Variants in PTPRT observed in about 807,000 individuals in gnomAD.
PTPRT encodes the protein protein tyrosine phosphatase receptor type T.
In PTPRT, 56 loss-of-function variants were observed where a neutral mutation model predicts 176.8. The ratio of observed to expected loss-of-function variants is 0.32; its 90% CI spans 0.26 to 0.40. PTPRT has a LOEUF of 0.40. Among genes scored for constraint, PTPRT ranks in the 10% least tolerant of loss-of-function variants. PTPRT has a pLI of 1.00. For missense variants in PTPRT, 1,540 were observed against 1,908.2 expected, an observed-to-expected ratio of 0.81 and a Z score of 3.60; for synonymous variants, 783 against 739.0, an observed-to-expected ratio of 1.06 and a Z score of -0.96.
intron 2 of PTPRT, among the ~76,000 whole-genome samples, chr20:42,872,599 GT>G (rs1239962828): frequency 6.6e-6 from 1 of 152,126 alleles, no homozygotes; most frequent in African/African-American, 2.4e-5. Context: ...CCAATGTTTT[GT>G]TTTATAAATG....
At chr20:42,184,561 A>ATCTTC (rs1990668336) in intron 16 of PTPRT, among the ~76,000 whole-genome samples, 2 of 128,126 alleles carry the variant, frequency 1.6e-5, no homozygotes, top group African/African-American at 6.1e-5. Context: ...TCTTCTTCTT[A>ATCTTC]TTCTTCTTCT....
At chr20:42,660,893 C>T (rs2075211536) in intron 7 of PTPRT, among the ~76,000 whole-genome samples, 3 of 152,238 alleles carry the variant, frequency 2.0e-5, no homozygotes, top group South Asian at 2.1e-4. Context: ...ACTTTGTCGT[C>T]CAGGCTGGAG....
At position 42,803,920 on chromosome 20, in the gene PTPRT, G is replaced by A. The variant is rs138729424; in HGVS notation, c.215-12454C>T. Reference sequence around the variant, plus strand: ...AAACTGCCTTCCCACATGCACTTCTGGAAAGGACTCCAATCCCTACCCCAG... The same window carrying A: ...AAACTGCCTTCCCACATGCACTTCTAGAAAGGACTCCAATCCCTACCCCAG... On this transcript the variant is annotated intron_variant, in intron 2 of 30. Coordinates refer to ENST00000373187, the MANE Select transcript of PTPRT (RefSeq NM_007050.6). 2.2e-4 allele frequency among the ~76,000 whole-genome samples: 34 copies of A among 152,266 alleles called. 1 individual carries two copies. The East Asian group carries it at 6.4e-3, about 29-fold the overall frequency.
chr20:42,564,385 C>T (rs778532764), intron 7 of PTPRT, among the ~76,000 whole-genome samples: 1 of 152,220 alleles, frequency 6.6e-6, no homozygotes, highest in Non-Finnish European at 1.5e-5. Context: ...TCTGCATCTG[C>T]AGATTCAACC....
chr20:42,085,946 CTTTTT>C, intron 27 of PTPRT, 93 bp from the exon 28 acceptor site: 1 of 1,373,498 alleles, frequency 7.3e-7, no homozygotes, highest in South Asian at 1.4e-5. Flanking sequence ...TTCTTTTTTT[CTTTTT>C]CTTTTTTTTT....
chr20:42,146,381 C>T (rs894220608), intron 17 of PTPRT, among the ~76,000 whole-genome samples: 6 of 152,200 alleles, frequency 3.9e-5, no homozygotes, highest in African/African-American at 9.7e-5. Context: ...TGTTTTCATA[C>T]TAATTTTTTG....
At chr20:42,980,756 C>T (rs892867030) in intron 1 of PTPRT, among the ~76,000 whole-genome samples, 4 of 152,192 alleles carry the variant, frequency 2.6e-5, no homozygotes, top group African/African-American at 9.7e-5. Flanking sequence ...AAGCTCCTCA[C>T]CTCCCTTTTG....
intron 5 of PTPRT, among the ~76,000 whole-genome samples, chr20:42,769,245 T>A (rs981091911): frequency 2.6e-5 from 4 of 152,166 alleles, no homozygotes; most frequent in African/African-American, 9.7e-5. Flanking sequence ...GGTCCCTAGA[T>A]GGGCTCTTTA....
chr20:43,147,993 A>C (rs1275278123), intron 1 of PTPRT, among the ~76,000 whole-genome samples: 1 of 152,138 alleles, frequency 6.6e-6, no homozygotes, highest in Non-Finnish European at 1.5e-5. Flanking sequence ...TGAGACTTTA[A>C]ATCTACCCAA....
chr20:42,572,229 T>C (rs1251802821), intron 7 of PTPRT, among the ~76,000 whole-genome samples: 1 of 152,144 alleles, frequency 6.6e-6, no homozygotes, highest in East Asian at 1.9e-4. Flanking sequence ...TTCCTAAAGG[T>C]CCCACCTCTT....
rs1989768906 is a variant in PTPRT at position 42,165,055 on chromosome 20, CAGA to C, written c.2492-3516_2492-3514del. 2.0e-5 allele frequency among the ~76,000 whole-genome samples: 3 copies of C among 152,234 alleles called. 1 individual carries two copies. In the South Asian group the frequency reaches 6.2e-4, roughly 32 times the overall value. ...GCCCGCGAGGAGCTTGTGGGATGGG[CAGA>C]AGGATTTTGGTGCTGTGTATGAGAT... On this transcript the variant is annotated intron_variant, in intron 16 of 30. Transcript: ENST00000373187.
At chr20:42,624,033 A>C (rs1018586906) in intron 7 of PTPRT, among the ~76,000 whole-genome samples, 13 of 150,832 alleles carry the variant, frequency 8.6e-5, no homozygotes, top group African/African-American at 3.0e-4. Flanking sequence ...ACAAAAAAAA[A>C]AAACCCTGCT....
chr20:42,448,886 C>A (rs2070777974), intron 8 of PTPRT, among the ~76,000 whole-genome samples: 1 of 151,866 alleles, frequency 6.6e-6, no homozygotes, highest in African/African-American at 2.4e-5. Context: ...AAAAAAAAAT[C>A]TCATAACGTT....
At chr20:42,184,563 T>TCTTCTTCTTCTTCTTCTTCTTCTTCTC (rs1990669395) in intron 16 of PTPRT, among the ~76,000 whole-genome samples, 2 of 131,238 alleles carry the variant, frequency 1.5e-5, no homozygotes, top group South Asian at 2.9e-4. Flanking sequence ...TTCTTCTTAT[T>TCTTCTTCTTCTTCTTCTTCTTCTTCTC]CTTCTTCTTC....
intron 1 of PTPRT, among the ~76,000 whole-genome samples, chr20:43,154,362 C>G (rs2014454071): frequency 6.6e-6 from 1 of 152,176 alleles, no homozygotes; most frequent in South Asian, 2.1e-4. Context: ...GTTCTCTATT[C>G]TCTTCCATTG....
chr20:42,169,046 A>G (rs1989959892), intron 16 of PTPRT, among the ~76,000 whole-genome samples: 1 of 152,186 alleles, frequency 6.6e-6, no homozygotes, highest in African/African-American at 2.4e-5. Flanking sequence ...GTTACTTGGG[A>G]TAAAGCAAAC....
intron 7 of PTPRT, among the ~76,000 whole-genome samples, chr20:42,562,505 T>C (rs1439495234): frequency 6.6e-6 from 1 of 152,256 alleles, no homozygotes; most frequent in East Asian, 1.9e-4. Context: ...CATTCTACTT[T>C]GGATGTCATT....
At chr20:42,316,967 T>C (rs2057729495) in intron 11 of PTPRT, among the ~76,000 whole-genome samples, 1 of 152,242 alleles carries the variant, frequency 6.6e-6, no homozygotes, top group African/African-American at 2.4e-5. Flanking sequence ...TTTCACTGGC[T>C]AGATTGTGAC....
At chr20:42,686,206 C>G (rs1443763465) in intron 6 of PTPRT, 2 of 152,154 alleles carry the variant, frequency 1.3e-5, no homozygotes, top group Admixed American at 1.3e-4. Flanking sequence ...CCAAGGTTAC[C>G]TAGAAAGCAG....
Sources: gnomAD v4.1 joint callset for allele counts (sites outside exome capture counted in the v4.1 genomes callset) on GRCh38, gnomAD v4.1.1 for gene constraint, MANE v1.5 for transcripts, NCBI Gene and HGNC (gene_info 2026-07-23, HGNC 2026-07-21) for gene names.